The following HDAC9 variants were observed in gnomAD, a reference collection of about 807,000 sequenced individuals.
HDAC9 encodes the protein MEF-2 interacting transcription repressor (MITR) protein.
HDAC9 carries 41 observed loss-of-function variants against 139.4 expected under a neutral mutation model. The observed-to-expected ratio is 0.29, with a 90% confidence interval of 0.23 to 0.38. The LOEUF (loss-of-function observed/expected upper bound fraction) is 0.38, where lower values mean the gene tolerates loss of function less well. HDAC9 is among the 10% of genes least tolerant of loss of function. HDAC9 has a pLI of 1.00. For synonymous variants in HDAC9, 517 were observed against 476.2 expected, an observed-to-expected ratio of 1.09 and a Z score of -1.12; for missense variants, 1,147 against 1,297.0, an observed-to-expected ratio of 0.88 and a Z score of 1.78.
Position 18,487,141 on chromosome 7 carries a change from G to C in HDAC9, c.-41-9121G>C, listed in dbSNP as rs545806934. ...ATACAGAAGTAGGCTGCTTATAAAAGAGAGTGATGCCTAAAATAAAGGCAT... is the reference window on the plus strand; with the variant it reads ...ATACAGAAGTAGGCTGCTTATAAAACAGAGTGATGCCTAAAATAAAGGCAT... On this transcript the variant is annotated intron_variant, in intron 1 of 3. Coordinates refer to the HDAC9 transcript ENST00000413509. 2.0e-5 allele frequency among the ~76,000 whole-genome samples: 3 copies of C among 152,136 alleles called. No individual in the cohort carries two copies. The South Asian group carries it at 6.2e-4, about 32-fold the overall frequency.
chr7:18,277,262 T>C (rs1796793700), intron 2 of HDAC9, among the ~76,000 whole-genome samples: 2 of 152,138 alleles, frequency 1.3e-5, no homozygotes, highest in African/African-American at 4.8e-5. Flanking sequence ...GAAGAAACAG[T>C]GGCAGGCTCT....
chr7:18,936,918 T>C (rs1160149993), intron 23 of HDAC9, among the ~76,000 whole-genome samples: 1 of 152,142 alleles, frequency 6.6e-6, no homozygotes, highest in African/African-American at 2.4e-5. Context: ...ACCTGTAATG[T>C]TTCCATATGA....
At chr7:18,477,411 G>A (rs899972655) in intron 1 of HDAC9, among the ~76,000 whole-genome samples, 1 of 149,918 alleles carries the variant, frequency 6.7e-6, no homozygotes, top group Non-Finnish European at 1.5e-5. Context: ...GCGTGCATGC[G>A]TGTGTGTGTG....
intron 12 of HDAC9, among the ~76,000 whole-genome samples, chr7:18,706,198 T>G (rs1469388213): frequency 1.6e-5 from 2 of 128,052 alleles, no homozygotes; most frequent in African/African-American, 5.7e-5. Flanking sequence ...TTATTCTCCC[T>G]GAGCCGCAAT....
At chr7:18,151,982 A>G (rs1434943958) in intron 1 of HDAC9, 2 of 152,160 alleles carry the variant, frequency 1.3e-5, no homozygotes, top group Non-Finnish European at 2.9e-5. Flanking sequence ...CCACCCATGC[A>G]TGTTTGAATA....
intron 14 of HDAC9, among the ~76,000 whole-genome samples, chr7:18,754,379 G>A (rs890448795): frequency 1.6e-4 from 24 of 151,982 alleles, no homozygotes; most frequent in African/African-American, 5.8e-4. Context: ...AAAAAATTGT[G>A]GAGGTTGACC....
intron 12 of HDAC9, among the ~76,000 whole-genome samples, chr7:18,682,950 C>T (rs779406621): frequency 3.8e-4 from 58 of 151,988 alleles, no homozygotes; most frequent in Middle Eastern, 3.4e-3. Context: ...CATTACACTC[C>T]AGCCTGGGAG....
intron 12 of HDAC9, among the ~76,000 whole-genome samples, chr7:18,683,273 A>G (rs986575413): frequency 1.3e-5 from 2 of 150,390 alleles, no homozygotes; most frequent in African/African-American, 2.5e-5. Flanking sequence ...ACATTGTCCT[A>G]AAATTCTAAA....
At chr7:18,118,964 C>T (rs1784193328) in intron 1 of HDAC9, among the ~76,000 whole-genome samples, 1 of 152,146 alleles carries the variant, frequency 6.6e-6, no homozygotes, top group South Asian at 2.1e-4. Context: ...TTTTTGTCAG[C>T]ATGGGGATAT....
intron 17 of HDAC9, among the ~76,000 whole-genome samples, chr7:18,797,234 C>A (rs1278923498): frequency 6.6e-6 from 1 of 152,140 alleles, no homozygotes; most frequent in Non-Finnish European, 1.5e-5. Flanking sequence ...CCTCTGTTTT[C>A]TTTCAACCAC....
At chr7:18,508,784 A>G (rs1800566958) in intron 2 of HDAC9, among the ~76,000 whole-genome samples, 1 of 152,138 alleles carries the variant, frequency 6.6e-6, no homozygotes, top group African/African-American at 2.4e-5. Flanking sequence ...AATATTGCAC[A>G]CTTTTTAAAG....
intron 1 of HDAC9, among the ~76,000 whole-genome samples, chr7:18,368,211 C>T (rs1391250773): frequency 1.3e-5 from 2 of 151,604 alleles, no homozygotes; most frequent in East Asian, 3.9e-4. Flanking sequence ...TTTTTAATGT[C>T]TTGTTTGAAA....
chr7:18,229,833 T>G (rs1409953078), intron 2 of HDAC9, among the ~76,000 whole-genome samples: 1 of 152,172 alleles, frequency 6.6e-6, no homozygotes, highest in East Asian at 1.9e-4. Context: ...ATTCTTCAAT[T>G]TGATGAAGTC....
chr7:18,121,028 G>A (rs933881339), intron 1 of HDAC9, among the ~76,000 whole-genome samples: 1 of 152,130 alleles, frequency 6.6e-6, no homozygotes, highest in Non-Finnish European at 1.5e-5. Flanking sequence ...AAAGAAGTGC[G>A]GAGAACCCCA....
At chr7:18,969,942 A>G (rs1291144109) in intron 24 of HDAC9, among the ~76,000 whole-genome samples, 1 of 152,220 alleles carries the variant, frequency 6.6e-6, no homozygotes, top group Non-Finnish European at 1.5e-5. Flanking sequence ...ATAGTTACTC[A>G]TTTCAGTATT....
chr7:18,143,133 G>A (rs771624782), intron 1 of HDAC9, among the ~76,000 whole-genome samples: 3 of 152,086 alleles, frequency 2.0e-5, no homozygotes, highest in Non-Finnish European at 2.9e-5. Context: ...ATCTCCCCCT[G>A]CTTTTGTAAA....
chr7:18,727,471 G>C, intron 12 of HDAC9, 109 bp from the exon 13 acceptor site: 2 of 856,648 alleles, frequency 2.3e-6, no homozygotes, highest in East Asian at 3.1e-5. Context: ...CCTTCACACC[G>C]TTTATTATGT....
intron 21 of HDAC9, among the ~76,000 whole-genome samples, chr7:18,844,574 T>C (rs1355067615): frequency 6.6e-6 from 1 of 152,216 alleles, no homozygotes; most frequent in African/African-American, 2.4e-5. Context: ...AGGATGTATA[T>C]TTTTAGCTGG....
intron 1 of HDAC9, among the ~76,000 whole-genome samples, chr7:18,290,889 A>G (rs901527479): frequency 1.3e-5 from 2 of 152,180 alleles, no homozygotes; most frequent in Non-Finnish European, 2.9e-5. Flanking sequence ...GTCCGCCTAG[A>G]TCCTGAAACA....
Sources: allele counts gnomAD v4.1 joint callset (sites outside exome capture counted in the v4.1 genomes callset), GRCh38; gene constraint gnomAD v4.1.1; transcripts MANE v1.5; gene names NCBI Gene and HGNC (gene_info 2026-07-23, HGNC 2026-07-21).